The following DOCK7 variants were observed in gnomAD, a reference collection of about 807,000 sequenced individuals.
DOCK7 encodes dedicator of cytokinesis 7, also known as dedicator of cytokinesis protein 7.
Under a neutral mutation model 271.0 loss-of-function variants are expected in DOCK7, and 138 were observed. The observed-to-expected ratio is 0.51, with a 90% CI of 0.44 to 0.59. DOCK7 has a LOEUF of 0.59. Among genes scored for constraint, DOCK7 ranks in the 20% least tolerant of loss-of-function variants. The pLI is 0.00. For missense variants in DOCK7, 2,066 were observed against 2,592.4 expected, an observed-to-expected ratio of 0.80 and a Z score of 4.41; for synonymous variants, 823 against 876.1, an observed-to-expected ratio of 0.94 and a Z score of 1.07.
In DOCK7 at chr1:62,529,320, A is replaced by G; in HGVS notation, c.3738T>C (p.Ile1246=). 1.9e-6 allele frequency: 3 copies of G among 1,612,908 alleles called. No homozygotes were observed. The highest frequency in any genetic ancestry group is 2.5e-6 in the Non-Finnish European group (3 of 1,179,652). The part of the protein sequence containing the change: ...ARVAMLYLPL[I]GIIMETVPQL... Reference sequence around the variant, plus strand: ...GAGGTACAGTTTCCATGATAATACCAATCAGAGGTAGATACAACATGGCCA... The same window carrying G: ...GAGGTACAGTTTCCATGATAATACCGATCAGAGGTAGATACAACATGGCCA... The change falls in exon 30 of 50, where the codon ATT becomes ATC. Residue 1246 remains isoleucine, a synonymous_variant. Coordinates refer to ENST00000635253, the MANE Select transcript of DOCK7 (RefSeq NM_001367561.1).
intron 17 of DOCK7, among the ~76,000 whole-genome samples, chr1:62,577,867 T>C (rs1469760628): frequency 6.6e-6 from 1 of 152,188 alleles, no homozygotes; most frequent in Non-Finnish European, 1.5e-5. Flanking sequence ...CAGAACTGTG[T>C]TATACCATGA....
At chr1:62,481,567 T>A (rs1646128582) in intron 43 of DOCK7, 1 of 152,144 alleles carries the variant, frequency 6.6e-6, no homozygotes, top group Non-Finnish European at 1.5e-5. Context: ...AACAAAAAAC[T>A]TTCCTATAAA....
At chr1:62,678,479 A>C (rs1179095338) in intron 1 of DOCK7, among the ~76,000 whole-genome samples, 1 of 152,210 alleles carries the variant, frequency 6.6e-6, no homozygotes, top group African/African-American at 2.4e-5. Flanking sequence ...ATAAAATTTC[A>C]TTGTACAACA....
intron 4 of DOCK7, among the ~76,000 whole-genome samples, chr1:62,650,776 A>G (rs532664420): frequency 3.9e-5 from 6 of 152,328 alleles, no homozygotes; most frequent in African/African-American, 1.4e-4. Context: ...AATGGCGATC[A>G]TTAAAAAGTC....
In DOCK7 at chr1:62,504,712, C is replaced by T. The variant is rs1191088984; in HGVS notation, c.4682G>A (p.Cys1561Tyr). Reference sequence around the variant, plus strand: ...CCGTATTGTACCGATGCTACTGCTACAGTGTCGGAGAAGCCTGAGGCATAA... The same window carrying T: ...CCGTATTGTACCGATGCTACTGCTATAGTGTCGGAGAAGCCTGAGGCATAA... ...ADLCLRLLRH[C>Y]SSSIGTIRSH... Residue 1561 changes from cysteine (C) to tyrosine (Y), a missense_variant, in exon 37 of 50, where the codon TGT becomes TAT. Cys to Tyr is a radical substitution (Grantham distance 194, BLOSUM62 -2). Around this residue, in one of 2 missense-constraint regions of DOCK7, gnomAD observed 652 missense variants for 922.1 expected, o/e 0.71. Coordinates refer to ENST00000635253, the MANE Select transcript of DOCK7 (RefSeq NM_001367561.1). 1.2e-6 allele frequency: 2 copies of T among 1,613,986 alleles called. No individual in the cohort carries two copies. Among genetic ancestry groups the T allele is most frequent in the Admixed American group, 3.3e-5 (2 of 60,004 alleles).
intron 14 of DOCK7, chr1:62,609,577 T>C (rs1000008208): frequency 4.6e-5 from 7 of 152,208 alleles, no homozygotes; most frequent in Admixed American, 2.6e-4. Context: ...TATATACTTT[T>C]TAAAAACAGG....
intron 2 of DOCK7, among the ~76,000 whole-genome samples, chr1:62,662,046 CATT>C (rs906397209): frequency 6.6e-6 from 1 of 150,980 alleles, no homozygotes; most frequent in Non-Finnish European, 1.5e-5. Context: ...AACATTATAT[CATT>C]ATAAGTCGAT....
At chr1:62,514,190 A>G (rs1375671051) in intron 31 of DOCK7, among the ~76,000 whole-genome samples, 1 of 152,120 alleles carries the variant, frequency 6.6e-6, no homozygotes, top group East Asian at 1.9e-4. Flanking sequence ...ATAAAAACTA[A>G]AAGATTCTAC....
chr1:62,559,254 T>A (rs2149439670), intron 19 of DOCK7, 34 bp from the exon 20 acceptor site: 1 of 1,517,686 alleles, frequency 6.6e-7, no homozygotes, highest in South Asian at 1.2e-5. Flanking sequence ...CACTAAGCAC[T>A]TATAACTTTA....
Position 62,539,810 on chromosome 1 carries a change from T to C in DOCK7, c.3128A>G (p.Asp1043Gly), listed in dbSNP as rs1185359193. 46 of 1,613,934 alleles carry C rather than the reference T, an allele frequency of 2.9e-5. No individual in the cohort carries two copies. Among genetic ancestry groups the C allele is most frequent in the Non-Finnish European group, 3.7e-5 (44 of 1,179,938 alleles). Residue 1043 changes from aspartate to glycine, a missense_variant, in exon 26 of 50, where the codon GAT becomes GGT. Physicochemically the swap from Asp to Gly is moderately conservative, Grantham distance 94. Coordinates refer to ENST00000635253, the MANE Select transcript of DOCK7 (RefSeq NM_001367561.1). ...RKSRFPERFM[D>G]DIAALVSTIA... Reference sequence around the variant, plus strand: ...CGTGCTGACAAGAGCTGCAATGTCATCCATGAAACGTTCTGGAAAACGACT... The same window carrying C: ...CGTGCTGACAAGAGCTGCAATGTCACCCATGAAACGTTCTGGAAAACGACT...
At chr1:62,536,399 A>G (rs531235476) in intron 28 of DOCK7, among the ~76,000 whole-genome samples, 3 of 152,354 alleles carry the variant, frequency 2.0e-5, no homozygotes, top group Admixed American at 6.5e-5. Flanking sequence ...ATGTTCAGTA[A>G]GGAATTAGAT....
chr1:62,495,451 A>G, intron 39 of DOCK7, 130 bp downstream of exon 39: 1 of 617,526 alleles, frequency 1.6e-6, no homozygotes, highest in African/African-American at 1.9e-5. Context: ...AATAAAAATA[A>G]AAACAATAAA....
intron 7 of DOCK7, among the ~76,000 whole-genome samples, chr1:62,644,664 T>C (rs1457462675): frequency 6.6e-6 from 1 of 152,202 alleles, no homozygotes; most frequent in East Asian, 1.9e-4. Flanking sequence ...GAAATAATGT[T>C]CTCATCCAGG....
At chr1:62,464,762 T>C (rs1389776316) in intron 48 of DOCK7, among the ~76,000 whole-genome samples, 1 of 152,118 alleles carries the variant, frequency 6.6e-6, no homozygotes, top group African/African-American at 2.4e-5. Context: ...GACTAATAAA[T>C]GTGCACTGTT....
intron 31 of DOCK7, among the ~76,000 whole-genome samples, chr1:62,521,662 G>C (rs1644854782): frequency 6.6e-6 from 1 of 152,106 alleles, no homozygotes; most frequent in Admixed American, 6.6e-5. Context: ...ATTTCTACTA[G>C]AATAAAATTT....
rs746357034 is a variant in DOCK7 at position 62,631,318 on chromosome 1, C to A, written c.1204G>T (p.Ala402Ser). The change falls in exon 11 of 50, where the codon GCA (alanine) becomes TCA (serine). Residue 402 changes from alanine (A) to serine (S), a missense_variant. By Grantham distance (99) the Ala-to-Ser change is moderately conservative (BLOSUM62 1). Around this residue, in one of 2 missense-constraint regions of DOCK7, gnomAD observed 1,414 missense variants for 1,670.4 expected, o/e 0.85. Coordinates refer to ENST00000635253, the MANE Select transcript of DOCK7 (RefSeq NM_001367561.1). ...GKYRMPFAWT[A>S]IHLMNIVSSA... Reference sequence around the variant, plus strand: ...CTAACAATATTCATTAAATGGATTGCAGTCCAAGCAAAAGGCATGCGATAT... The same window carrying A: ...CTAACAATATTCATTAAATGGATTGAAGTCCAAGCAAAAGGCATGCGATAT... 12 of 1,613,224 alleles carry A rather than the reference C, an allele frequency of 7.4e-6. No individual in the cohort carries two copies.
chr1:62,568,459 C>T (rs1646601181), intron 18 of DOCK7, among the ~76,000 whole-genome samples: 1 of 94,436 alleles, frequency 1.1e-5, no homozygotes, highest in African/African-American at 4.0e-5. Context: ...TGCCACCATG[C>T]CAGGCTAATT....
chr1:62,675,463 G>A (rs569289823), intron 1 of DOCK7, among the ~76,000 whole-genome samples: 2 of 152,222 alleles, frequency 1.3e-5, no homozygotes, highest in South Asian at 2.1e-4. Context: ...GGGCAGATAC[G>A]TGAGTGGCTA....
intron 14 of DOCK7, chr1:62,601,699 T>C: frequency 9.0e-7 from 1 of 1,106,790 alleles, no homozygotes; most frequent in Non-Finnish European, 1.4e-6. Context: ...AAATGTCAAG[T>C]GAAATCTCAA....
Sources: gnomAD v4.1 joint callset for allele counts (sites outside exome capture counted in the v4.1 genomes callset) on GRCh38, gnomAD v4.1.1 for gene constraint, gnomAD v4.1.1 regional missense constraint, MANE v1.5 for transcripts, NCBI Gene and HGNC (gene_info 2026-07-23, HGNC 2026-07-21) for gene names.